SLC7A7: variants seen among roughly 807,000 people sequenced by gnomAD.
The protein encoded by SLC7A7 is Y+L amino acid transporter 1.
In SLC7A7, 39 loss-of-function variants were observed where a neutral mutation model predicts 47.9. That is an observed-to-expected ratio of 0.81 (90% CI 0.63 to 1.06). The LOEUF (loss-of-function observed/expected upper bound fraction) is 1.06. SLC7A7 is among the 50% of genes least tolerant of loss of function. The pLI is 0.00. For missense variants in SLC7A7, 588 were observed against 632.0 expected, an observed-to-expected ratio of 0.93 and a Z score of 0.75; for synonymous variants, 234 against 242.8, an observed-to-expected ratio of 0.96 and a Z score of 0.34.
intron 2 of SLC7A7, among the ~76,000 whole-genome samples, chr14:22,788,460 G>C (rs554677452): frequency 6.6e-6 from 1 of 152,040 alleles, no homozygotes; most frequent in African/African-American, 2.4e-5. Context: ...ATCCTAGCAC[G>C]TTGGGAGGCC....
intron 2 of SLC7A7, among the ~76,000 whole-genome samples, chr14:22,807,319 C>G (rs978361626): frequency 1.3e-5 from 2 of 152,202 alleles, no homozygotes; most frequent in African/African-American, 4.8e-5. Context: ...CACCTTCTGT[C>G]TCTTGCTCTT....
At chr14:22,811,035 AC>A (rs1463124469) in intron 2 of SLC7A7, among the ~76,000 whole-genome samples, 1 of 151,992 alleles carries the variant, frequency 6.6e-6, no homozygotes, top group Non-Finnish European at 1.5e-5. Context: ...AGTGCCTTCC[AC>A]CCCTCCCTGA....
At chr14:22,774,598 A>G (rs759869983) in intron 7 of SLC7A7, 95 bp from the exon 8 acceptor site, 85 of 1,514,940 alleles carry the variant, frequency 5.6e-5, no homozygotes, top group Non-Finnish European at 7.6e-5. Context: ...TCCCCTGTCA[A>G]TCCTCAAAGT....
upstream of SLC7A7, among the ~76,000 whole-genome samples, chr14:22,817,767 G>A (rs987764920): frequency 2.6e-5 from 4 of 152,110 alleles, no homozygotes; most frequent in African/African-American, 7.2e-5. Flanking sequence ...GTGAGCCACC[G>A]ATGCCACCTT....
chr14:22,775,297 G>T (rs2038578456), intron 7 of SLC7A7, 147 bp downstream of exon 7: 3 of 761,256 alleles, frequency 3.9e-6, no homozygotes, highest in East Asian at 5.1e-5. Flanking sequence ...TTAGCATAGT[G>T]CCTTGCCCGT....
Position 22,813,275 on chromosome 14 carries a change from C to T in SLC7A7, c.124G>A (p.Gly42Ser), listed in dbSNP as rs1419400467. The T allele has an allele frequency of 6.2e-7, 1 of 1,614,162 alleles. No homozygotes were observed. The highest frequency in any genetic ancestry group is 2.2e-5 in the East Asian group (1 of 44,882). The change falls in exon 2 of 10, where the codon GGC (glycine) becomes AGC (serine). Residue 42 changes from glycine to serine, a missense_variant. Coordinates refer to ENST00000674313, the MANE Select transcript of SLC7A7 (RefSeq NM_003982.4). ...KLKKEISLLN[G>S]VCLIVGNMIG... ...ATGTTCCCCACAATCAGGCACACGC[C>T]GTTAAGCAGTGAGATCTCCTTCTTC...
chr14:22,775,749 A>G (rs1369532391), intron 6 of SLC7A7, 84 bp downstream of exon 6: 1 of 1,061,878 alleles, frequency 9.4e-7, no homozygotes, highest in African/African-American at 1.6e-5. Context: ...GGAGAACACA[A>G]GTAATCAAAG....
intron 2 of SLC7A7, among the ~76,000 whole-genome samples, chr14:22,810,039 C>CAAAAA (rs34386018): frequency 4.6e-4 from 28 of 60,686 alleles, no homozygotes; most frequent in African/African-American, 9.7e-4. Flanking sequence ...AACACTGTCT[C>CAAAAA]AAAAAAAAAA....
Position 22,776,230 on chromosome 14 carries a change from T to C in SLC7A7, c.859A>G (p.Met287Val). ...GCATCACTGGCCAAGATGTCTCTCA[T>C]GTCTAGCACAGTATAATAGGCCACA... Reference protein sequence around the residue: ...TNVAYYTVLDMRDILASDAVA... With the variant: ...TNVAYYTVLDVRDILASDAVA... The change falls in exon 5 of 10, where the codon ATG becomes GTG. Residue 287 changes from methionine to valine, a missense_variant. Coordinates refer to ENST00000674313, the MANE Select transcript of SLC7A7 (RefSeq NM_003982.4). The C allele has an allele frequency of 6.2e-7, 1 of 1,614,246 alleles. No individual in the cohort carries two copies. Among genetic ancestry groups the C allele is most frequent in the African/African-American group, 1.3e-5 (1 of 75,070 alleles).
Position 22,773,248 on chromosome 14 carries a change from T to C in SLC7A7, c.*362A>G. ...TTAGGAACATAAACTTTTATTGTCA[T>C]CCAGCACCTGTGATAGTTTCATGTC... On this transcript the variant is annotated 3_prime_UTR_variant, in exon 10 of 10. Coordinates refer to ENST00000674313, the MANE Select transcript of SLC7A7 (RefSeq NM_003982.4). 1 of 424,176 alleles carries C rather than the reference T, an allele frequency of 2.4e-6. No individual in the cohort carries two copies. The highest frequency in any genetic ancestry group is 4.5e-6 in the Non-Finnish European group (1 of 219,844). 26.3% of individuals were successfully genotyped at this position (424,176 alleles called of 1,614,324 possible).
chr14:22,811,319 A>G (rs949691051), intron 2 of SLC7A7, among the ~76,000 whole-genome samples: 2 of 152,190 alleles, frequency 1.3e-5, no homozygotes, highest in African/African-American at 4.8e-5. Flanking sequence ...CTGCCCCTCA[A>G]ATTGACAGAA....
chr14:22,810,188 G>A (rs760108720), intron 2 of SLC7A7, among the ~76,000 whole-genome samples: 9 of 152,124 alleles, frequency 5.9e-5, no homozygotes, highest in Admixed American at 1.3e-4. Context: ...TTCTAAGGCC[G>A]GGAAGGTGGC....
In SLC7A7 at chr14:22,815,277, G is replaced by C. The variant is rs373186111; in HGVS notation, c.-43+43C>G. On this transcript the variant is annotated intron_variant, in intron 1 of 9. Transcript: ENST00000674313. ...TGCACAGCAGCAAAGAGGAGGGTTA[G>C]CAAGGTAAGTGGAGATGAGAAGAGG... 6.9e-5 allele frequency: 30 copies of C among 436,050 alleles called. 2 individuals carry two copies. The highest frequency in any genetic ancestry group is 4.7e-4 in the South Asian group (29 of 61,962). The allele number at this position is 436,050 out of a possible 1,614,324, so 27.0% of individuals were successfully genotyped here.
chr14:22,815,516 G>A (rs1395994618), upstream of SLC7A7: 2 of 454,198 alleles, frequency 4.4e-6, no homozygotes, highest in Non-Finnish European at 8.8e-6. Flanking sequence ...GTGAGGGAGG[G>A]GGAAAGGAGT....
chr14:22,791,810 G>T (rs2038927030), intron 2 of SLC7A7, among the ~76,000 whole-genome samples: 1 of 148,134 alleles, frequency 6.8e-6, no homozygotes, highest in African/African-American at 2.5e-5. Context: ...GTCTAATGTT[G>T]GTTTGGGAAA....
At chr14:22,805,924 C>T (rs1024399787) in intron 2 of SLC7A7, among the ~76,000 whole-genome samples, 9 of 151,874 alleles carry the variant, frequency 5.9e-5, no homozygotes, top group African/African-American at 1.9e-4. Context: ...GGGCAGATCA[C>T]GAGGTCAGGA....
At chr14:22,810,637 C>T (rs1394281186) in intron 2 of SLC7A7, among the ~76,000 whole-genome samples, 1 of 152,076 alleles carries the variant, frequency 6.6e-6, no homozygotes, top group African/African-American at 2.4e-5. Flanking sequence ...AAGCAACCTA[C>T]CAGATCATCT....
At chr14:22,792,694 TA>T (rs1302960672) in intron 2 of SLC7A7, among the ~76,000 whole-genome samples, 1 of 151,820 alleles carries the variant, frequency 6.6e-6, no homozygotes, top group African/African-American at 2.4e-5. Flanking sequence ...CCGTCTCTAC[TA>T]AAAATACAAA....
chr14:22,784,347 C>T (rs1188907397), intron 2 of SLC7A7, among the ~76,000 whole-genome samples: 1 of 152,226 alleles, frequency 6.6e-6, no homozygotes, highest in Non-Finnish European at 1.5e-5. Flanking sequence ...TGGCCGGGTG[C>T]AGTGGCTCAC....
Sources: allele counts gnomAD v4.1 joint callset (sites outside exome capture counted in the v4.1 genomes callset), GRCh38; gene constraint gnomAD v4.1.1; transcripts MANE v1.5; gene names NCBI Gene and HGNC (gene_info 2026-07-23, HGNC 2026-07-21).